Variants in PRDM2 observed in about 807,000 individuals in gnomAD.
The protein encoded by PRDM2 is PR domain zinc finger protein 2.
Under a neutral mutation model 130.0 loss-of-function variants are expected in PRDM2, and 30 were observed. The ratio of observed to expected loss-of-function variants is 0.23; its 90% CI spans 0.17 to 0.31. PRDM2 has a LOEUF of 0.31. Ranked by LOEUF, PRDM2 falls within the 10% of genes least tolerant of loss-of-function variation. The pLI is 1.00. For synonymous variants in PRDM2, 871 were observed against 782.4 expected (o/e 1.11, Z -1.89); for missense variants, 2,011 against 2,108.4 (o/e 0.95, Z 0.90).
chr1:13,763,886 T>C (rs1348756528), intron 6 of PRDM2, among the ~76,000 whole-genome samples: 1 of 152,228 alleles, frequency 6.6e-6, no homozygotes, highest in Non-Finnish European at 1.5e-5. Flanking sequence ...TTTATCTCTG[T>C]GGATATATCG....
chr1:13,757,778 CT>C (rs34501705), intron 6 of PRDM2, among the ~76,000 whole-genome samples: 63,780 of 105,856 alleles, frequency 0.6, 17,723 homozygotes, highest in South Asian at 0.65. Context: ...AGGTGGATAG[CT>C]TTTTTTTTTT....
chr1:13,742,187 G>A, intron 5 of PRDM2, 30 bp downstream of exon 5: 1 of 1,594,880 alleles, frequency 6.3e-7, no homozygotes, highest in South Asian at 1.1e-5. Flanking sequence ...TTTACTGTTA[G>A]TTACGCTGCT....
intron 3 of PRDM2, among the ~76,000 whole-genome samples, chr1:13,731,433 C>T (rs1557605513): frequency 6.6e-6 from 1 of 152,164 alleles, no homozygotes; most frequent in African/African-American, 2.4e-5. Context: ...ACGTGTTGTT[C>T]CCTTCTCTCT....
intron 8 of PRDM2, among the ~76,000 whole-genome samples, chr1:13,790,023 CT>C (rs1644813729): frequency 6.6e-6 from 1 of 152,134 alleles, no homozygotes; most frequent in Non-Finnish European, 1.5e-5. Context: ...TTCTGCTAGA[CT>C]TAACAAAACG....
intron 3 of PRDM2, 22 bp downstream of exon 3, chr1:13,731,139 G>C (rs888237270): frequency 1.3e-6 from 2 of 1,594,572 alleles, no homozygotes; most frequent in Admixed American, 3.4e-5. Context: ...TCCTGTCACG[G>C]AGCAAGTCAG....
At chr1:13,814,787 T>C (rs1483258092) in intron 8 of PRDM2, among the ~76,000 whole-genome samples, 4 of 152,226 alleles carry the variant, frequency 2.6e-5, no homozygotes, top group Non-Finnish European at 5.9e-5. Flanking sequence ...GAGCTGGCTC[T>C]GCAAACACCT....
intron 1 of PRDM2, among the ~76,000 whole-genome samples, chr1:13,703,786 C>T (rs1415127181): frequency 6.6e-6 from 1 of 152,238 alleles, no homozygotes; most frequent in African/African-American, 2.4e-5. Flanking sequence ...AGAAAAGCAA[C>T]TTGGTCCAGC....
intron 5 of PRDM2, 58 bp from the exon 6 acceptor site, chr1:13,749,303 C>A: frequency 7.5e-7 from 1 of 1,334,384 alleles, no homozygotes. Flanking sequence ...GCGCGCCCCG[C>A]CCCCGCCAAC....
At chr1:13,778,163 G>T (rs972248198) in intron 7 of PRDM2, among the ~76,000 whole-genome samples, 1 of 152,174 alleles carries the variant, frequency 6.6e-6, no homozygotes, top group South Asian at 2.1e-4. Context: ...TGTCTGTTGC[G>T]CTCGTGTGTG....
intron 2 of PRDM2, among the ~76,000 whole-genome samples, chr1:13,727,798 A>G (rs900006426): frequency 2.6e-5 from 4 of 152,248 alleles, no homozygotes; most frequent in African/African-American, 9.6e-5. Flanking sequence ...GACAAGATCA[A>G]TCTGGGAAAT....
rs754314038 is a variant in PRDM2 at position 13,779,199 on chromosome 1, A to G, written c.1404A>G (p.Ile468Met). The change falls in exon 8 of 10, where the codon ATA becomes ATG. Residue 468 changes from isoleucine (I) to methionine (M), a missense_variant. This residue lies in a region of PRDM2 where 1,288 missense variants were observed against 1,237.7 expected (regional missense o/e 1.04). Transcript: ENST00000311066. This position sits in a 1 kb window ranked among gnomAD's most constrained non-coding sequence, Gnocchi z 4.9. ...CAGAGAAGGCTTCCCAAGACACAATAAATTCTTCTGTCGTAGAAGAGAATG... is the reference window on the plus strand; with the variant it reads ...CAGAGAAGGCTTCCCAAGACACAATGAATTCTTCTGTCGTAGAAGAGAATG... ...MNSEKASQDT[I>M]NSSVVEENGE... 2.5e-6 allele frequency: 4 copies of G among 1,614,058 alleles called. No homozygotes were observed. The African/African-American group carries it at 5.3e-5, about 22-fold the overall frequency.
At chr1:13,801,137 G>A (rs1450566347) in intron 8 of PRDM2, among the ~76,000 whole-genome samples, 1 of 152,204 alleles carries the variant, frequency 6.6e-6, no homozygotes, top group Non-Finnish European at 1.5e-5. Flanking sequence ...TGCAGGCAGG[G>A]GCATCGACGT....
At chr1:13,749,776 C>G (rs915592068) in intron 6 of PRDM2, among the ~76,000 whole-genome samples, 1 of 152,056 alleles carries the variant, frequency 6.6e-6, no homozygotes, top group Non-Finnish European at 1.5e-5. Flanking sequence ...TGTGACTTAG[C>G]TCCTGGGCGG....
chr1:13,789,070 C>G (rs1644797297), intron 8 of PRDM2, among the ~76,000 whole-genome samples: 1 of 152,182 alleles, frequency 6.6e-6, no homozygotes, highest in Non-Finnish European at 1.5e-5. Flanking sequence ...CACAGTGTCC[C>G]TGGCTCTGCC....
chr1:13,737,316 G>A (rs1357737765), intron 4 of PRDM2, among the ~76,000 whole-genome samples: 2 of 152,190 alleles, frequency 1.3e-5, no homozygotes, highest in South Asian at 2.1e-4. Context: ...TATGAAATTC[G>A]AATTTCAGTT....
At chr1:13,705,855 A>G (rs1642192854) in intron 1 of PRDM2, among the ~76,000 whole-genome samples, 1 of 151,832 alleles carries the variant, frequency 6.6e-6, no homozygotes, top group Non-Finnish European at 1.5e-5. Flanking sequence ...GATGGTGGGC[A>G]CCTGTAATCC....
rs916286938 is a variant in PRDM2, at chr1:13,803,283, A to C, written c.5037-13144A>C. ...CATTTCAGGGTTGAACCGCACCAGG[A>C]GCCTGGCTTTGCCATCCATTTGTTC... On this transcript the variant is annotated intron_variant, in intron 8 of 9. Coordinates refer to ENST00000311066, the MANE Select transcript of PRDM2 (RefSeq NM_001393986.1). This position sits in a 1 kb window ranked among gnomAD's most constrained non-coding sequence, Gnocchi z 6.2. Among the ~76,000 whole-genome samples, 4 of 152,328 alleles carry C rather than the reference A, an allele frequency of 2.6e-5. No homozygotes were observed. The highest frequency in any genetic ancestry group is 9.6e-5 in the African/African-American group (4 of 41,568).
chr1:13,819,376 C>G (rs1381282874), intron 9 of PRDM2, among the ~76,000 whole-genome samples: 1 of 152,194 alleles, frequency 6.6e-6, no homozygotes, highest in African/African-American at 2.4e-5. Flanking sequence ...GCGAAGCGAT[C>G]AAATGAAGAG....
At chr1:13,718,497 G>C (rs778012346) in intron 2 of PRDM2, among the ~76,000 whole-genome samples, 1 of 152,168 alleles carries the variant, frequency 6.6e-6, no homozygotes, top group Admixed American at 6.5e-5. Flanking sequence ...GCGCTCAGTT[G>C]TATCAGTGTG....
Sources: gnomAD v4.1 joint callset for allele counts (sites outside exome capture counted in the v4.1 genomes callset) on GRCh38, gnomAD v4.1.1 for gene constraint, gnomAD v4.1.1 regional missense constraint, Gnocchi (gnomAD v3.1) non-coding constraint, MANE v1.5 for transcripts, NCBI Gene and HGNC (gene_info 2026-07-23, HGNC 2026-07-21) for gene names.